TANK: variants seen among roughly 807,000 people sequenced by gnomAD.
TANK encodes the protein TRAF family member-associated NF-kappa-B activator.
TANK carries 15 observed loss-of-function variants against 43.6 expected under a neutral mutation model. That is an observed-to-expected ratio of 0.34 (90% CI 0.23 to 0.53). The LOEUF (loss-of-function observed/expected upper bound fraction) is 0.53, where lower values mean the gene tolerates loss of function less well. Ranked by LOEUF, TANK falls within the 20% of genes least tolerant of loss-of-function variation. The pLI, the probability that TANK is intolerant of heterozygous loss-of-function variation, is 0.94. For synonymous variants in TANK, 162 were observed against 178.2 expected (o/e 0.91, Z 0.73); for missense variants, 417 against 498.6 (o/e 0.84, Z 1.56).
At chr2:161,143,953 T>A (rs1683827493) in intron 1 of TANK, among the ~76,000 whole-genome samples, 1 of 152,162 alleles carries the variant, frequency 6.6e-6, no homozygotes, top group African/African-American at 2.4e-5. Context: ...TGGGCTTTTG[T>A]TGGTTGGTAG....
exon 1 of TANK, chr2:161,137,028 T>C (rs914384432): frequency 1.0e-5 from 10 of 985,284 alleles, no homozygotes; most frequent in Non-Finnish European, 1.1e-5. Flanking sequence ...TACAGAGGAA[T>C]AGTCTACAAA....
intron 4 of TANK, among the ~76,000 whole-genome samples, chr2:161,213,173 G>A (rs1189249187): frequency 6.6e-6 from 1 of 152,084 alleles, no homozygotes; most frequent in Non-Finnish European, 1.5e-5. Context: ...CCATGACCCA[G>A]ACCCCTCCCA....
chr2:161,174,040 T>C (rs1685071678), intron 1 of TANK, among the ~76,000 whole-genome samples: 1 of 152,160 alleles, frequency 6.6e-6, no homozygotes, highest in African/African-American at 2.4e-5. Context: ...ATTAGTACTA[T>C]AAGAGAAGGA....
chr2:161,150,124 A>G (rs1338670549), intron 1 of TANK, among the ~76,000 whole-genome samples: 1 of 151,768 alleles, frequency 6.6e-6, no homozygotes, highest in African/African-American at 2.4e-5. Context: ...CTTTGTGGGG[A>G]GATTTTTGGT....
intron 2 of TANK, among the ~76,000 whole-genome samples, chr2:161,203,144 A>T (rs1176520780): frequency 6.6e-6 from 1 of 151,754 alleles, no homozygotes; most frequent in Non-Finnish European, 1.5e-5. Context: ...TTAATATAGC[A>T]TCTGTTGTAT....
At chr2:161,213,954 ACAT>A (rs758230415) in intron 4 of TANK, among the ~76,000 whole-genome samples, 2 of 152,196 alleles carry the variant, frequency 1.3e-5, no homozygotes, top group African/African-American at 4.8e-5. Context: ...TGATTCTGTA[ACAT>A]CATGAATCAA....
At chr2:161,196,140 A>G (rs549169514) in intron 2 of TANK, among the ~76,000 whole-genome samples, 2 of 152,320 alleles carry the variant, frequency 1.3e-5, no homozygotes, top group South Asian at 4.1e-4. Context: ...TTGGCTGTAC[A>G]ACAAATAGAT....
Position 161,208,977 on chromosome 2 carries a change from G to T in TANK, c.327+4184G>T, listed in dbSNP as rs143340619. Among the ~76,000 whole-genome samples, 27 of 152,290 alleles carry T rather than the reference G, an allele frequency of 1.8e-4. No homozygotes were observed. In the East Asian group the frequency reaches 5.0e-3, roughly 28 times the overall value. The stretch of plus-strand genomic sequence containing the variant: ...CAACACAGGTATTGTAGATTGTGGT[G>T]TACAGAAGAGGATGTGAAAGATCAA... On this transcript the variant is annotated intron_variant, in intron 4 of 7. Transcript: ENST00000392749.
In TANK at chr2:161,207,459, G is replaced by C. The variant is rs1000970176; in HGVS notation, c.327+2666G>C. On this transcript the variant is annotated intron_variant, in intron 4 of 7. Coordinates refer to ENST00000392749, the MANE Select transcript of TANK (RefSeq NM_001199135.3). ...AAAAATAAAAATTAACTGTCTTGCA[G>C]TTCAGCTTTCTCTTTTTTTATGTAT... The C allele has an allele frequency of 1.0e-5, 10 of 983,110 alleles. No individual in the cohort carries two copies. The African/African-American group carries it at 1.7e-4, about 17-fold the overall frequency. The allele number at this position is 983,110 out of a possible 1,614,324, so 60.9% of individuals were successfully genotyped here.
chr2:161,169,706 C>T (rs1198515898), intron 1 of TANK, among the ~76,000 whole-genome samples: 1 of 152,084 alleles, frequency 6.6e-6, no homozygotes, highest in African/African-American at 2.4e-5. Context: ...GATATAGGTA[C>T]GTATAGCTCT....
At chr2:161,171,327 C>T (rs1684928809) in intron 1 of TANK, among the ~76,000 whole-genome samples, 1 of 152,178 alleles carries the variant, frequency 6.6e-6, no homozygotes, top group Non-Finnish European at 1.5e-5. Flanking sequence ...ATGTTAAAGT[C>T]ATACCCTAAA....
intron 2 of TANK, chr2:161,200,341 A>G (rs1431629095): frequency 1.0e-6 from 1 of 984,452 alleles, no homozygotes; most frequent in Admixed American, 6.2e-5. Context: ...CAATAATCTG[A>G]CCTTGTAAAA....
chr2:161,214,635 C>T (rs1687039388), intron 4 of TANK, among the ~76,000 whole-genome samples: 1 of 151,666 alleles, frequency 6.6e-6, no homozygotes. Flanking sequence ...AGTCTAAATG[C>T]CAACACAGTA....
At position 161,205,396 on chromosome 2, in the gene TANK, G is replaced by A. The variant is rs558398270; in HGVS notation, c.327+603G>A. The stretch of plus-strand genomic sequence containing the variant: ...ATATGTGTGTGTGTGGTGTGTGTGT[G>A]TATATATATAAACAATGAAATAAAA... On this transcript the variant is annotated intron_variant, in intron 4 of 7. Coordinates refer to ENST00000392749, the MANE Select transcript of TANK (RefSeq NM_001199135.3). Among the ~76,000 whole-genome samples the A allele has an allele frequency of 7.9e-5, 12 of 152,088 alleles. No homozygotes were observed. The South Asian group carries it at 2.1e-3, about 26-fold the overall frequency.
At chr2:161,206,717 A>T (rs192440822) in intron 4 of TANK, among the ~76,000 whole-genome samples, 8 of 152,262 alleles carry the variant, frequency 5.3e-5, no homozygotes, top group African/African-American at 1.9e-4. Context: ...AAATTGAGAA[A>T]CAATGATTCT....
At position 161,185,063 on chromosome 2, in the gene TANK, G is replaced by A. The variant is rs115476903; in HGVS notation, c.99+5302G>A. 2.8e-3 allele frequency among the ~76,000 whole-genome samples: 419 copies of A among 152,232 alleles called. 2 individuals carry two copies. The highest frequency in any genetic ancestry group is 9.6e-3 in the African/African-American group (398 of 41,544). On this transcript the variant is annotated intron_variant, in intron 2 of 7. Coordinates refer to ENST00000392749, the MANE Select transcript of TANK (RefSeq NM_001199135.3). The stretch of plus-strand genomic sequence containing the variant: ...TCTGGAGATTCAGAACATAGGTTAA[G>A]CAATTTGAGACGCATAGGAAGAGAA...
chr2:161,166,842 T>G (rs1360692202), intron 1 of TANK, among the ~76,000 whole-genome samples: 2 of 152,204 alleles, frequency 1.3e-5, no homozygotes, highest in Non-Finnish European at 2.9e-5. Flanking sequence ...TTGTCTTTCA[T>G]TCACTGATTC....
intron 2 of TANK, among the ~76,000 whole-genome samples, chr2:161,188,958 T>C (rs1685793112): frequency 1.3e-5 from 2 of 152,192 alleles, no homozygotes; most frequent in Admixed American, 6.6e-5. Context: ...TTCCACTATA[T>C]GGAAGATGCT....
chr2:161,231,661 G>A, intron 7 of TANK, 110 bp downstream of exon 7: 2 of 1,003,682 alleles, frequency 2.0e-6, no homozygotes, highest in Non-Finnish European at 2.9e-6. Flanking sequence ...TTAAACTACT[G>A]ACAGCCAAAG....
Sources: gnomAD v4.1 joint callset for allele counts (sites outside exome capture counted in the v4.1 genomes callset) on GRCh38, gnomAD v4.1.1 for gene constraint, MANE v1.5 for transcripts, NCBI Gene and HGNC (gene_info 2026-07-23, HGNC 2026-07-21) for gene names.